The following C2CD2 variants were observed in gnomAD, a reference collection of about 807,000 sequenced individuals.
C2CD2 encodes the protein C2 domain-containing protein 2.
C2CD2 carries 43 observed loss-of-function variants against 74.3 expected under a neutral mutation model. The ratio of observed to expected loss-of-function variants is 0.58; its 90% CI spans 0.45 to 0.75. The LOEUF (loss-of-function observed/expected upper bound fraction) is 0.75. C2CD2 is among the 30% of genes least tolerant of loss of function. C2CD2 has a pLI of 0.00. For missense variants in C2CD2, 801 were observed against 916.3 expected, an observed-to-expected ratio of 0.87 and a Z score of 1.63; for synonymous variants, 422 against 390.7, an observed-to-expected ratio of 1.08 and a Z score of -0.94.
rs934285674 is a variant in C2CD2 at position 41,887,986 on chromosome 21, A to T, written c.*1138T>A. On this transcript the variant is annotated 3_prime_UTR_variant, in exon 14 of 14. Transcript: ENST00000380486. ...ACTGGAATGATATTAGGGATATTCA[A>T]ATGGTGTGCCAGGTTTGTGATGTTT... 6.6e-6 allele frequency: 1 copy of T among 152,532 alleles called. No individual in the cohort carries two copies. The highest frequency in any genetic ancestry group is 2.4e-5 in the African/African-American group (1 of 41,456). The allele number at this position is 152,532 out of a possible 1,614,324, so 9.4% of individuals were successfully genotyped here. A position where few individuals can be genotyped will look rare whatever the true frequency, so the allele number is the denominator to read the frequency against.
rs774168838 is a variant in C2CD2 at position 41,918,205 on chromosome 21, G to C, written c.620C>G (p.Ala207Gly). The change falls in exon 5 of 14, where the codon GCG becomes GGG. Residue 207 changes from alanine (A) to glycine (G), a missense_variant. Transcript: ENST00000380486. ...GATGTCCTTGAGAACGTCAGACATCGCACTTGTCTCAGCCACCTGGTCCTG... is the reference window on the plus strand; with the variant it reads ...GATGTCCTTGAGAACGTCAGACATCCCACTTGTCTCAGCCACCTGGTCCTG... ...LGEDQVAETS[A>G]MSDVLKDILK... The C allele has an allele frequency of 1.2e-6, 2 of 1,614,016 alleles. No homozygotes were observed. Among genetic ancestry groups the C allele is most frequent in the Non-Finnish European group, 1.7e-6 (2 of 1,179,938 alleles).
At chr21:41,947,112 T>TTCTCTCCCTCTCTCCCTCTCTCTCTC (rs1555906756) in intron 1 of C2CD2, among the ~76,000 whole-genome samples, 1 of 26,150 alleles carries the variant, frequency 3.8e-5, no homozygotes, top group Non-Finnish European at 9.1e-5. Context: ...CCTTTCTCTT[T>TTCTCTCCCTCTCTCCCTCTCTCTCTC]TCTCTCTCTC....
chr21:41,913,670 T>C (rs1046496613), intron 6 of C2CD2, among the ~76,000 whole-genome samples: 4 of 152,238 alleles, frequency 2.6e-5, no homozygotes, highest in Non-Finnish European at 5.9e-5. Context: ...CTTTTGGAAC[T>C]GGAGGAAGCC....
intron 2 of C2CD2, among the ~76,000 whole-genome samples, chr21:41,931,205 C>G (rs1329239242): frequency 6.6e-6 from 1 of 150,488 alleles, no homozygotes; most frequent in Non-Finnish European, 1.5e-5. Context: ...CTGGAGCCTG[C>G]TCACAGCAGC....
rs1247749857 is a variant in C2CD2 at position 41,903,943 on chromosome 21, G to A, written c.1432+1781C>T. 6.6e-6 allele frequency among the ~76,000 whole-genome samples: 1 copy of A among 152,218 alleles called. No individual in the cohort carries two copies. Among genetic ancestry groups the A allele is most frequent in the African/African-American group, 2.4e-5 (1 of 41,446 alleles). ...ATCAGGGGCAGCGGCAAAAGCATCAGCGGCATTAGTACCAGAGCGGCTCCA... is the reference window on the plus strand; with the variant it reads ...ATCAGGGGCAGCGGCAAAAGCATCAACGGCATTAGTACCAGAGCGGCTCCA... On this transcript the variant is annotated intron_variant, in intron 11 of 13. Coordinates refer to ENST00000380486, the MANE Select transcript of C2CD2 (RefSeq NM_015500.2). This position sits in a 1 kb window ranked among gnomAD's most constrained non-coding sequence, Gnocchi z 4.5.
chr21:41,887,010 C>T lies in C2CD2; in HGVS notation c.*2114G>A, dbSNP rs986460779. 1 of 152,138 alleles carries T rather than the reference C, an allele frequency of 6.6e-6. No homozygotes were observed. Among genetic ancestry groups the T allele is most frequent in the Non-Finnish European group, 1.5e-5 (1 of 68,030 alleles). The allele number at this position is 152,138 out of a possible 1,614,324, so 9.4% of individuals were successfully genotyped here. The stretch of plus-strand genomic sequence containing the variant: ...TTAAATAAAAAAAAACTTCTGATAT[C>T]CTTGCACTTGAATAGAGTGCACCTG... On this transcript the variant is annotated 3_prime_UTR_variant, in exon 14 of 14. Transcript: ENST00000380486.
At chr21:41,907,531 G>T in intron 9 of C2CD2, 129 bp downstream of exon 9, 1 of 983,244 alleles carries the variant, frequency 1.0e-6, no homozygotes, top group Non-Finnish European at 1.5e-6. Flanking sequence ...CGATGAAACA[G>T]CATCTCCTCT....
intron 10 of C2CD2, among the ~76,000 whole-genome samples, chr21:41,906,312 G>T (rs931957064): frequency 2.0e-5 from 3 of 152,164 alleles, no homozygotes; most frequent in African/African-American, 7.2e-5. Context: ...AATTTTTCAA[G>T]AAAAAAGCGT....
At chr21:41,914,404 CA>C (rs1413926470) in intron 6 of C2CD2, among the ~76,000 whole-genome samples, 193 bp downstream of exon 6, 3 of 152,132 alleles carry the variant, frequency 2.0e-5, no homozygotes. Flanking sequence ...TTCCCACGTG[CA>C]GAAACAGGAT....
Position 41,953,610 on chromosome 21 carries a change from C to G in C2CD2, c.39G>C (p.Ala13=). 6.7e-7 allele frequency: 1 copy of G among 1,492,320 alleles called. No homozygotes were observed. 92.4% of individuals were successfully genotyped at this position (1,492,320 alleles called of 1,614,324 possible). A position where few individuals can be genotyped will look rare whatever the true frequency, so the allele number is the denominator to read the frequency against. Residue 13 remains alanine (A), a synonymous_variant, in exon 1 of 14, where the codon GCG becomes GCC. Coordinates refer to ENST00000380486, the MANE Select transcript of C2CD2 (RefSeq NM_015500.2). The part of the protein sequence containing the change: ...MARLGSWLGE[A]QWLALVSLFV... ...AGAGCGACACCAGCGCGAGCCACTG[C>G]GCCTCCCCGAGCCACGAGCCCAGCC...
At chr21:41,902,803 A>G (rs527294703) in intron 11 of C2CD2, among the ~76,000 whole-genome samples, 39 of 152,232 alleles carry the variant, frequency 2.6e-4, no homozygotes, top group African/African-American at 8.7e-4. Flanking sequence ...CAAAAAAAAA[A>G]ATCCTTTGAA....
chr21:41,898,696 C>T (rs1201756617), intron 13 of C2CD2, among the ~76,000 whole-genome samples: 1 of 152,168 alleles, frequency 6.6e-6, no homozygotes, highest in Non-Finnish European at 1.5e-5. Flanking sequence ...GGAAGGAGCC[C>T]CAGGCTCTGC....
chr21:41,928,347 G>C lies in C2CD2; in HGVS notation c.379-6262C>G, dbSNP rs371857009. On this transcript the variant is annotated intron_variant, in intron 2 of 13. Transcript: ENST00000380486. ...GAATTCCATACACCATCATCCAGAC[G>C]AACAGGTGGCCTCGTGGGAGTCGCA... 1.6e-3 allele frequency among the ~76,000 whole-genome samples: 241 copies of C among 152,222 alleles called. 1 individual carries two copies. Among genetic ancestry groups the C allele is most frequent in the African/African-American group, 5.3e-3 (219 of 41,534 alleles).
Position 41,953,373 on chromosome 21 carries a change from T to C in C2CD2, c.276A>G (p.Lys92=), listed in dbSNP as rs1012314094. ...VTALNEEAER[K]GGPPFLSFEE... is the part of the protein sequence containing the mutation. ...GCCCGCAGTCCCGGAAACTCACCCC[T>C]TTCCTCTCGGCCTCCTCGTTCAGGG... The change falls in exon 1 of 14, where the codon AAA becomes AAG. Residue 92 remains lysine (K), a synonymous_variant. Transcript: ENST00000380486. The C allele has an allele frequency of 7.1e-7, 1 of 1,414,532 alleles. No individual in the cohort carries two copies. Among genetic ancestry groups the C allele is most frequent in the Non-Finnish European group, 9.3e-7 (1 of 1,080,562 alleles). 87.6% of individuals were successfully genotyped at this position (1,414,532 alleles called of 1,614,324 possible).
At chr21:41,917,989 C>T in intron 5 of C2CD2, 116 bp downstream of exon 5, 1 of 1,239,836 alleles carries the variant, frequency 8.1e-7, no homozygotes, top group Non-Finnish European at 1.2e-6. Flanking sequence ...CCCGAGCCAT[C>T]TTGGCTCTAC....
chr21:41,943,143 A>C (rs1217416620), intron 1 of C2CD2, among the ~76,000 whole-genome samples: 1 of 152,174 alleles, frequency 6.6e-6, no homozygotes, highest in African/African-American at 2.4e-5. Flanking sequence ...TCTACCAAAA[A>C]TACAAATATT....
At chr21:41,898,187 C>T (rs916907122) in intron 13 of C2CD2, among the ~76,000 whole-genome samples, 1 of 152,206 alleles carries the variant, frequency 6.6e-6, no homozygotes, top group Non-Finnish European at 1.5e-5. Context: ...GAGCCAGAGC[C>T]AGGAGTTAAT....
chr21:41,918,906 T>C lies in C2CD2; in HGVS notation c.547A>G (p.Ile183Val). ...REDLQISWSF[I>V]SVPEMAVNIQ... Reference sequence around the variant, plus strand: ...TTAACGGCCATTTCCGGCACACTGATGAAAGACCAGCTAATCTGGAGGTCC... The same window carrying C: ...TTAACGGCCATTTCCGGCACACTGACGAAAGACCAGCTAATCTGGAGGTCC... The change falls in exon 4 of 14, where the codon ATC becomes GTC. Residue 183 changes from isoleucine (I) to valine (V), a missense_variant. Coordinates refer to ENST00000380486, the MANE Select transcript of C2CD2 (RefSeq NM_015500.2). The C allele has an allele frequency of 6.2e-7, 1 of 1,614,242 alleles. No homozygotes were observed.
At position 41,953,512 on chromosome 21, in the gene C2CD2, TG is replaced by T; in HGVS notation, c.136del (p.Gln46SerfsTer23). On this transcript the variant is annotated frameshift_variant, in exon 1 of 14. Transcript: ENST00000380486. LOFTEE classifies it high-confidence loss of function. ...CTCTCCAGGCTCCACCGCCCGCCGCTGGGGCTGGGGTCGCGCCCTGGCCAGC... is the reference window on the plus strand; with the variant it reads ...CTCTCCAGGCTCCACCGCCCGCCGCTGGGCTGGGGTCGCGCCCTGGCCAGC... ...WALARARPQP[Q>X]RRAVEPGEGP... The T allele has an allele frequency of 2.0e-6, 3 of 1,483,320 alleles. No homozygotes were observed. The highest frequency in any genetic ancestry group is 2.3e-5 in the Admixed American group (1 of 43,232). The allele number at this position is 1,483,320 out of a possible 1,614,324, so 91.9% of individuals were successfully genotyped here.
Sources: gnomAD v4.1 joint callset for allele counts (sites outside exome capture counted in the v4.1 genomes callset) on GRCh38, gnomAD v4.1.1 for gene constraint, Gnocchi (gnomAD v3.1) non-coding constraint, MANE v1.5 for transcripts, NCBI Gene and HGNC (gene_info 2026-07-23, HGNC 2026-07-21) for gene names.